The following HPGD variants were observed in gnomAD, a reference collection of about 807,000 sequenced individuals.
The protein encoded by HPGD is 15-hydroxyprostaglandin dehydrogenase.
A neutral mutation model predicts 30.0 loss-of-function variants in HPGD; 29 were observed. The ratio of observed to expected loss-of-function variants is 0.97; its 90% CI spans 0.72 to 1.32. The LOEUF is 1.32. Among genes scored for constraint, HPGD ranks in the 40% most tolerant of loss-of-function variants. The probability of loss-of-function intolerance (pLI) is 0.00; values close to 1 mark genes in which losing one functional copy is unlikely to be tolerated. For synonymous variants in HPGD, 99 were observed against 112.4 expected (o/e 0.88, Z 0.75); for missense variants, 340 against 322.1 (o/e 1.06, Z -0.43).
intron 3 of HPGD, among the ~76,000 whole-genome samples, chr4:174,509,547 G>T (rs967220484): frequency 2.0e-5 from 3 of 152,154 alleles, no homozygotes; most frequent in Non-Finnish European, 4.4e-5. Flanking sequence ...AAAACCTGAA[G>T]AAATGGTTAC....
chr4:174,522,524 T>TGCGC (rs938395873), upstream of HPGD: 3 of 1,179,692 alleles, frequency 2.5e-6, no homozygotes, highest in Non-Finnish European at 2.3e-6. Context: ...TATGCCCCCC[T>TGCGC]GCGCGCGCGC....
At chr4:174,500,896 T>C (rs1734868373) in intron 4 of HPGD, among the ~76,000 whole-genome samples, 1 of 152,204 alleles carries the variant, frequency 6.6e-6, no homozygotes, top group African/African-American at 2.4e-5. Context: ...AATTATTTTA[T>C]TGACCTATTT....
rs1734557900 is a variant in HPGD, at chr4:174,495,587, A to G, written c.459T>C (p.Ala153=). ...MPVAQQPVYC[A]SKHGIVGFTR... is the part of the protein sequence containing the mutation. ...TGAATCCAACTATGCCATGCTTTGA[A>G]GCACAATAAACCGGCTGCTGTGCAA... Residue 153 remains alanine (A), a synonymous_variant, in exon 5 of 7, where the codon GCT becomes GCC. Coordinates refer to ENST00000296522, the MANE Select transcript of HPGD (RefSeq NM_000860.6). 5 of 1,613,918 alleles carry G rather than the reference A, an allele frequency of 3.1e-6. No homozygotes were observed. The highest frequency in any genetic ancestry group is 4.2e-6 in the Non-Finnish European group (5 of 1,179,836).
In HPGD at chr4:174,490,968, G is replaced by A. The variant is rs1463824922; in HGVS notation, c.*988C>T. ...AAACCTCACAGCTATTTTTATGTCT[G>A]TGTTGTTATGAGTTTCAGCATGGGT... On this transcript the variant is annotated 3_prime_UTR_variant, in exon 7 of 7. Transcript: ENST00000296522. This position sits in a 1 kb window ranked among gnomAD's most constrained non-coding sequence, Gnocchi z 4.4. 1.3e-5 allele frequency: 2 copies of A among 152,278 alleles called. No homozygotes were observed. Among genetic ancestry groups the A allele is most frequent in the Non-Finnish European group, 2.9e-5 (2 of 67,992 alleles). The allele number at this position is 152,278 out of a possible 1,614,324, so 9.4% of individuals were successfully genotyped here. A position where few individuals can be genotyped will look rare whatever the true frequency, so the allele number is the denominator to read the frequency against.
rs886059248 is a variant in HPGD at position 174,491,042 on chromosome 4, T to C, written c.*914A>G. On this transcript the variant is annotated 3_prime_UTR_variant, in exon 7 of 7. Transcript: ENST00000296522. ...TGTGGCAAAATTGGTTTTATTTCCT[T>C]GATAGCTATACATAGAAGACTAAGT... 6.6e-6 allele frequency: 1 copy of C among 152,592 alleles called. No individual in the cohort carries two copies. The highest frequency in any genetic ancestry group is 1.5e-5 in the Non-Finnish European group (1 of 67,980). 9.5% of individuals were successfully genotyped at this position (152,592 alleles called of 1,614,324 possible).
intron 5 of HPGD, 116 bp downstream of exon 5, chr4:174,495,432 T>A (rs544265645): frequency 6.9e-4 from 536 of 773,738 alleles, no homozygotes; most frequent in Non-Finnish European, 1.1e-3. Flanking sequence ...GATGGAGGTA[T>A]GTCATTTTTC....
intron 4 of HPGD, among the ~76,000 whole-genome samples, chr4:174,503,483 T>C (rs550773889): frequency 3.9e-5 from 6 of 152,290 alleles, no homozygotes; most frequent in Non-Finnish European, 7.4e-5. Context: ...ATAAAGCCAA[T>C]AGTTTACCAC....
chr4:174,494,611 T>C lies in HPGD; in HGVS notation c.498+937A>G, dbSNP rs1193842169. ...AGAACTACTTATCTTCCATTTTGAC[T>C]GAACAGTTAACATTTGTGCATCTGT... On this transcript the variant is annotated intron_variant, in intron 5 of 6. Coordinates refer to ENST00000296522, the MANE Select transcript of HPGD (RefSeq NM_000860.6). The surrounding 1 kb of genome is among the most constrained non-coding windows in gnomAD (Gnocchi z 4.9). Among the ~76,000 whole-genome samples the C allele has an allele frequency of 6.6e-6, 1 of 152,246 alleles. No individual in the cohort carries two copies. The highest frequency in any genetic ancestry group is 1.5e-5 in the Non-Finnish European group (1 of 68,048).
At chr4:174,502,495 G>T (rs1233702835) in intron 4 of HPGD, among the ~76,000 whole-genome samples, 1 of 151,976 alleles carries the variant, frequency 6.6e-6, no homozygotes. Flanking sequence ...TGGCTAACAC[G>T]GTGAAACCCC....
intron 3 of HPGD, 105 bp downstream of exon 3, chr4:174,517,866 T>C: frequency 1.5e-6 from 1 of 660,436 alleles, no homozygotes; most frequent in East Asian, 2.8e-5. Context: ...TTTTTCAATA[T>C]TGTAGGTCAT....
intron 4 of HPGD, chr4:174,507,805 A>T: frequency 3.5e-6 from 1 of 282,294 alleles, no homozygotes; most frequent in Non-Finnish European, 6.6e-6. Flanking sequence ...GTATTGAAGG[A>T]TAAGATATCA....
At position 174,522,361 on chromosome 4, in the gene HPGD, T is replaced by C. The variant is rs958592863; in HGVS notation, c.91A>G (p.Lys31Glu). 1 of 1,561,546 alleles carries C rather than the reference T, an allele frequency of 6.4e-7. No homozygotes were observed. Among genetic ancestry groups the C allele is most frequent in the Non-Finnish European group, 8.7e-7 (1 of 1,152,834 alleles). Residue 31 changes from lysine to glutamate, a missense_variant and splice_region_variant, in exon 1 of 7, where the codon AAG becomes GAG. Transcript: ENST00000296522. ...FAEALLLKGA[K>E]VALVDWNLEA... ...CCGCGGCTGGGCGCCGGGCTTACCT[T>C]GGCGCCCTTAAGCAGCAGCGCCTCT...
In HPGD at chr4:174,497,577, T is replaced by C. The variant is rs1316908894; in HGVS notation, c.422-1953A>G. Among the ~76,000 whole-genome samples the C allele has an allele frequency of 3.5e-3, 370 of 106,394 alleles. 7 individuals carry two copies. Among genetic ancestry groups the C allele is most frequent in the African/African-American group, 0.012 (303 of 25,926 alleles). The allele number at this position is 106,394 out of a possible 152,430, so 69.8% of individuals were successfully genotyped here. Reference sequence around the variant, plus strand: ...TTCTTTCTTTTTCTTTCTTTTTTTTTTTTTTTTTTTTTTTTTTTTGAGACA... The same window carrying C: ...TTCTTTCTTTTTCTTTCTTTTTTTTCTTTTTTTTTTTTTTTTTTTGAGACA... On this transcript the variant is annotated intron_variant, in intron 4 of 6. Transcript: ENST00000296522.
chr4:174,516,520 A>C (rs12647154), intron 3 of HPGD, among the ~76,000 whole-genome samples: 26,077 of 151,944 alleles, frequency 0.17, 2,562 homozygotes, highest in East Asian at 0.29. Context: ...GAGTGGGAAA[A>C]CTATCTATGG....
intron 1 of HPGD, 100 bp downstream of exon 1, chr4:174,522,259 C>T (rs965516823): frequency 3.2e-5 from 44 of 1,366,706 alleles, no homozygotes; most frequent in Non-Finnish European, 4.4e-5. Flanking sequence ...GTGGGCACGC[C>T]GGGCGCGGCC....
chr4:174,495,032 T>A (rs1420124128), intron 5 of HPGD, among the ~76,000 whole-genome samples: 1 of 152,208 alleles, frequency 6.6e-6, no homozygotes, highest in African/African-American at 2.4e-5. Context: ...CACCTCATGC[T>A]GTCAATGCAT....
chr4:174,506,658 A>G (rs1182625867), intron 4 of HPGD: 6 of 152,236 alleles, frequency 3.9e-5, no homozygotes, highest in Non-Finnish European at 7.3e-5. Context: ...GAGTTAATGT[A>G]CAGTGTTTAA....
intron 3 of HPGD, among the ~76,000 whole-genome samples, chr4:174,509,292 T>C (rs1044579569): frequency 6.6e-6 from 1 of 152,206 alleles, no homozygotes; most frequent in Admixed American, 6.5e-5. Context: ...TTCTTTCTAA[T>C]AAAAGTTCTA....
At position 174,522,348 on chromosome 4, in the gene HPGD, G is replaced by C; in HGVS notation, c.93+11C>G. Reference sequence around the variant, plus strand: ...GGCAGAGAAATTTCCGCGGCTGGGCGCCGGGCTTACCTTGGCGCCCTTAAG... The same window carrying C: ...GGCAGAGAAATTTCCGCGGCTGGGCCCCGGGCTTACCTTGGCGCCCTTAAG... On this transcript the variant is annotated intron_variant, in intron 1 of 6. Coordinates refer to ENST00000296522, the MANE Select transcript of HPGD (RefSeq NM_000860.6). The C allele has an allele frequency of 6.4e-7, 1 of 1,554,500 alleles. No homozygotes were observed. Among genetic ancestry groups the C allele is most frequent in the Non-Finnish European group, 8.7e-7 (1 of 1,148,550 alleles).
Sources: allele counts gnomAD v4.1 joint callset (sites outside exome capture counted in the v4.1 genomes callset), GRCh38; gene constraint gnomAD v4.1.1; non-coding constraint Gnocchi (gnomAD v3.1); transcripts MANE v1.5; gene names NCBI Gene and HGNC (gene_info 2026-07-23, HGNC 2026-07-21).